GRIK2: variants seen among roughly 807,000 people sequenced by gnomAD.
The protein encoded by GRIK2 is glutamate ionotropic receptor kainate type subunit 2.
In GRIK2, 32 loss-of-function variants were observed where a neutral mutation model predicts 100.3. The observed-to-expected ratio is 0.32, with a 90% CI of 0.24 to 0.43. The LOEUF (loss-of-function observed/expected upper bound fraction) is 0.43. GRIK2 is among the 20% of genes least tolerant of loss of function. The probability of loss-of-function intolerance (pLI) is 1.00; values close to 1 mark genes in which losing one functional copy is unlikely to be tolerated. For synonymous variants in GRIK2, 417 were observed against 389.4 expected (o/e 1.07, Z -0.83); for missense variants, 843 against 1,114.9 (o/e 0.76, Z 3.47).
intron 2 of GRIK2, among the ~76,000 whole-genome samples, chr6:101,615,761 A>G (rs541231553): frequency 8.6e-5 from 13 of 152,022 alleles, no homozygotes; most frequent in South Asian, 4.1e-4. Context: ...GTTTAAAATC[A>G]TGTGAACAAT....
chr6:101,561,011 C>T (rs1776984178), intron 2 of GRIK2, among the ~76,000 whole-genome samples: 1 of 152,098 alleles, frequency 6.6e-6, no homozygotes, highest in Admixed American at 6.6e-5. Context: ...TCATTGAGGA[C>T]CTCAGCTATG....
At chr6:101,792,676 A>C (rs556029410) in intron 7 of GRIK2, among the ~76,000 whole-genome samples, 11 of 151,938 alleles carry the variant, frequency 7.2e-5, no homozygotes, top group African/African-American at 2.7e-4. Flanking sequence ...AAATCTGACA[A>C]TTATGTGTCT....
At chr6:101,791,363 C>T (rs2128408162) in intron 7 of GRIK2, among the ~76,000 whole-genome samples, 1 of 152,288 alleles carries the variant, frequency 6.6e-6, no homozygotes, top group East Asian at 1.9e-4. Context: ...AAATTTCCCT[C>T]TACACACTGC....
intron 15 of GRIK2, among the ~76,000 whole-genome samples, chr6:102,049,994 A>G (rs567811680): frequency 6.6e-6 from 1 of 152,144 alleles, no homozygotes. Context: ...TTATTTATCA[A>G]TGAATAAGCC....
chr6:101,630,299 T>C (rs1240514160), intron 4 of GRIK2, among the ~76,000 whole-genome samples: 1 of 152,118 alleles, frequency 6.6e-6, no homozygotes, highest in Non-Finnish European at 1.5e-5. Context: ...AACTTCTTTC[T>C]ACAATGGCTG....
chr6:101,604,450 A>C (rs889734386), intron 2 of GRIK2, among the ~76,000 whole-genome samples: 2 of 151,894 alleles, frequency 1.3e-5, no homozygotes, highest in African/African-American at 4.8e-5. Context: ...AAACTATGAC[A>C]GAAATAAAGA....
chr6:102,066,259 T>TTA (rs1772011463), intron 16 of GRIK2, among the ~76,000 whole-genome samples: 3 of 151,630 alleles, frequency 2.0e-5, no homozygotes, highest in Admixed American at 6.6e-5. Flanking sequence ...GCAATTGAAT[T>TTA]AGAAACATTG....
chr6:102,036,262 T>C (rs2852609), intron 15 of GRIK2, among the ~76,000 whole-genome samples: 38,816 of 139,792 alleles, frequency 0.28, 5,085 homozygotes, highest in East Asian at 0.31. Flanking sequence ...CACACACACA[T>C]ATATATATAA....
intron 11 of GRIK2, 109 bp downstream of exon 11, chr6:101,859,602 G>GT (rs1784625989): frequency 3.0e-6 from 2 of 662,744 alleles, no homozygotes; most frequent in Admixed American, 5.1e-5. Context: ...TTTCAAGCAT[G>GT]TATTTCCTTC....
At position 101,489,145 on chromosome 6, in the gene GRIK2, G is replaced by A. The variant is rs147598508; in HGVS notation, c.115+89753G>A. Among the ~76,000 whole-genome samples the A allele has an allele frequency of 2.7e-5, 4 of 146,236 alleles. No individual in the cohort carries two copies. In the East Asian group the frequency reaches 7.8e-4, roughly 29 times the overall value. Reference sequence around the variant, plus strand: ...CATTCTGCTGTTTTTCAAATGTCAAGTGCCAAAATGTCATAAATATTTAGG... The same window carrying A: ...CATTCTGCTGTTTTTCAAATGTCAAATGCCAAAATGTCATAAATATTTAGG... On this transcript the variant is annotated intron_variant, in intron 2 of 16. Transcript: ENST00000369134.
At position 101,688,782 on chromosome 6, in the gene GRIK2, A is replaced by G. The variant is rs554422739; in HGVS notation, c.951+2429A>G. Among the ~76,000 whole-genome samples the G allele has an allele frequency of 8.5e-5, 13 of 152,130 alleles. No individual in the cohort carries two copies. The South Asian group carries it at 2.5e-3, about 29-fold the overall frequency. Reference sequence around the variant, plus strand: ...CCTTTGGTATAGTTCTTAAATATAAAGTAGATATGAAGTTTGTCATTAAAA... The same window carrying G: ...CCTTTGGTATAGTTCTTAAATATAAGGTAGATATGAAGTTTGTCATTAAAA... On this transcript the variant is annotated intron_variant, in intron 7 of 16. Coordinates refer to ENST00000369134, the MANE Select transcript of GRIK2 (RefSeq NM_021956.5).
intron 7 of GRIK2, among the ~76,000 whole-genome samples, chr6:101,784,732 T>C (rs1779317281): frequency 6.6e-6 from 1 of 151,860 alleles, no homozygotes; most frequent in Non-Finnish European, 1.5e-5. Flanking sequence ...CTGCTATCCC[T>C]CTCTCTCTCT....
intron 7 of GRIK2, among the ~76,000 whole-genome samples, chr6:101,769,717 C>G (rs1268809026): frequency 6.6e-6 from 1 of 152,042 alleles, no homozygotes; most frequent in Non-Finnish European, 1.5e-5. Flanking sequence ...GCCTGTCAAC[C>G]TAAGTAACAG....
At chr6:101,874,217 T>C (rs1228279997) in intron 11 of GRIK2, among the ~76,000 whole-genome samples, 2 of 152,164 alleles carry the variant, frequency 1.3e-5, no homozygotes, top group Non-Finnish European at 2.9e-5. Flanking sequence ...TTCTAGAGTT[T>C]TTATGGTTTT....
intron 7 of GRIK2, among the ~76,000 whole-genome samples, chr6:101,692,933 A>G (rs1297378051): frequency 6.6e-6 from 1 of 152,098 alleles, no homozygotes; most frequent in Non-Finnish European, 1.5e-5. Context: ...GTAAAAGGAC[A>G]TGGAGCATGG....
intron 11 of GRIK2, among the ~76,000 whole-genome samples, chr6:101,866,610 C>G (rs1384994712): frequency 6.6e-6 from 1 of 152,022 alleles, no homozygotes; most frequent in Non-Finnish European, 1.5e-5. Flanking sequence ...TATTCCTCTG[C>G]AAAATCATTA....
intron 2 of GRIK2, among the ~76,000 whole-genome samples, chr6:101,588,017 A>G (rs887472022): frequency 5.3e-5 from 8 of 152,144 alleles, no homozygotes; most frequent in Admixed American, 3.9e-4. Context: ...AGAGGAAAAT[A>G]TAATACAAGA....
In GRIK2 at chr6:101,877,134, C is replaced by T. The variant is rs73761458; in HGVS notation, c.1525-12506C>T. On this transcript the variant is annotated intron_variant, in intron 11 of 16. Transcript: ENST00000369134. ...GTGCAATGTTACAACTAAACACAGA[C>T]GAACACACACACACATATATATATG... 2.8e-3 allele frequency among the ~76,000 whole-genome samples: 427 copies of T among 151,820 alleles called. 2 individuals carry two copies. Among genetic ancestry groups the T allele is most frequent in the African/African-American group, 9.8e-3 (406 of 41,444 alleles).
chr6:102,055,354 C>A lies in GRIK2; in HGVS notation c.2336C>A (p.Thr779Asn). 6.2e-7 allele frequency: 1 copy of A among 1,610,928 alleles called. No homozygotes were observed. The highest frequency in any genetic ancestry group is 8.5e-7 in the Non-Finnish European group (1 of 1,177,266). ...PMGSPYRDKI[T>N]IAILQLQEEG... The stretch of plus-strand genomic sequence containing the variant: ...GGTTCTCCATATCGAGACAAAATTA[C>A]CATAGCAATTCTTCAGCTGCAAGAG... The change falls in exon 16 of 17, where the codon ACC (threonine) becomes AAC (asparagine). Residue 779 changes from threonine (T) to asparagine (N), a missense_variant. This residue lies in a region of GRIK2 where 237 missense variants were observed against 388.0 expected (regional missense o/e 0.61). Coordinates refer to ENST00000369134, the MANE Select transcript of GRIK2 (RefSeq NM_021956.5).
Sources: allele counts gnomAD v4.1 joint callset (sites outside exome capture counted in the v4.1 genomes callset), GRCh38; gene constraint gnomAD v4.1.1; regional missense constraint gnomAD v4.1.1; transcripts MANE v1.5; gene names NCBI Gene and HGNC (gene_info 2026-07-23, HGNC 2026-07-21).